The following GSE1 variants were observed in gnomAD, a reference collection of about 807,000 sequenced individuals.
The protein encoded by GSE1 is genetic suppressor element 1.
Under a neutral mutation model 112.6 loss-of-function variants are expected in GSE1, and 32 were observed. The ratio of observed to expected loss-of-function variants is 0.28; its 90% CI spans 0.21 to 0.38. GSE1 has a LOEUF of 0.38. GSE1 is among the 10% of genes least tolerant of loss of function. GSE1 has a pLI of 1.00. For missense variants in GSE1, 2,348 were observed against 1,699.2 expected (o/e 1.38, Z -6.71); for synonymous variants, 1,115 against 735.6 (o/e 1.52, Z -8.35).
At chr16:85,208,974 G>A (rs1317739304) in intron 1 of GSE1, among the ~76,000 whole-genome samples, 4 of 151,554 alleles carry the variant, frequency 2.6e-5, no homozygotes, top group African/African-American at 9.7e-5. Context: ...CTGTGTTGGG[G>A]TTTGCCACTT....
chr16:85,339,327 G>T (rs1428607117), intron 1 of GSE1, among the ~76,000 whole-genome samples: 2 of 152,176 alleles, frequency 1.3e-5, no homozygotes, highest in African/African-American at 4.8e-5. Flanking sequence ...GGGCACATTT[G>T]TCTTTGCCTG....
At chr16:85,475,650 C>G (rs1489725121) in intron 2 of GSE1, among the ~76,000 whole-genome samples, 1 of 152,172 alleles carries the variant, frequency 6.6e-6, no homozygotes, top group Non-Finnish European at 1.5e-5. Flanking sequence ...GGGCCTCTGT[C>G]CAGGGGTCGA....
intron 1 of GSE1, chr16:85,594,843 G>C (rs555498993): frequency 6.6e-6 from 1 of 152,546 alleles, no homozygotes; most frequent in East Asian, 1.9e-4. Context: ...TCCCGGGGAG[G>C]GCGCCAGCGC....
intron 2 of GSE1, among the ~76,000 whole-genome samples, chr16:85,485,365 C>G (rs1428743322): frequency 1.3e-5 from 2 of 152,038 alleles, no homozygotes; most frequent in Non-Finnish European, 2.9e-5. Flanking sequence ...CGTTGTACAG[C>G]TACTGTCACA....
intron 2 of GSE1, among the ~76,000 whole-genome samples, chr16:85,477,392 G>A (rs183771973): frequency 1.1e-3 from 164 of 152,174 alleles, no homozygotes; most frequent in African/African-American, 3.7e-3. Flanking sequence ...CCCTTCCTGT[G>A]TGTGCTGCCC....
chr16:85,470,029 A>C (rs2050238177), intron 2 of GSE1, among the ~76,000 whole-genome samples: 1 of 152,102 alleles, frequency 6.6e-6, no homozygotes, highest in Non-Finnish European at 1.5e-5. Context: ...TCTCAATGCC[A>C]CCCCCTCCAC....
chr16:85,338,907 C>T (rs1335678455), intron 1 of GSE1, among the ~76,000 whole-genome samples: 6 of 152,178 alleles, frequency 3.9e-5, no homozygotes, highest in Admixed American at 2.0e-4. Flanking sequence ...ATGGAATGAG[C>T]GCGTGTCTGC....
intron 2 of GSE1, among the ~76,000 whole-genome samples, chr16:85,379,990 G>T (rs1350578719): frequency 6.6e-6 from 1 of 152,226 alleles, no homozygotes; most frequent in Admixed American, 6.5e-5. Flanking sequence ...TGGGCAAAGG[G>T]GCTTTAATTT....
chr16:85,555,948 C>T, upstream of GSE1: 3 of 984,334 alleles, frequency 3.0e-6, no homozygotes, highest in Non-Finnish European at 3.6e-6. Context: ...CGCCGCGCTC[C>T]CCCCTCCTTT....
intron 1 of GSE1, among the ~76,000 whole-genome samples, chr16:85,184,760 A>G (rs1350669490): frequency 6.6e-6 from 1 of 152,210 alleles, no homozygotes; most frequent in African/African-American, 2.4e-5. Context: ...ACATTGGACT[A>G]TCTTAATATC....
intron 2 of GSE1, among the ~76,000 whole-genome samples, chr16:85,429,493 G>A (rs1244553773): frequency 6.6e-6 from 1 of 152,184 alleles, no homozygotes; most frequent in Non-Finnish European, 1.5e-5. Context: ...CTAGTGAGGC[G>A]TCATCATGTC....
intron 2 of GSE1, among the ~76,000 whole-genome samples, chr16:85,362,184 G>A (rs1446180627): frequency 6.6e-6 from 1 of 152,242 alleles, no homozygotes; most frequent in Non-Finnish European, 1.5e-5. Flanking sequence ...CGGGAGAAGG[G>A]TGCAACCGAA....
intron 1 of GSE1, among the ~76,000 whole-genome samples, chr16:85,294,444 G>T (rs1042536488): frequency 6.6e-6 from 1 of 152,154 alleles, no homozygotes; most frequent in Admixed American, 6.5e-5. Context: ...GTTCGTTCGT[G>T]TTCCGTCAAT....
chr16:85,668,119 C>A (rs778211586), intron 13 of GSE1, 21 bp from the exon 14 acceptor site: 1 of 1,538,382 alleles, frequency 6.5e-7, no homozygotes, highest in Non-Finnish European at 8.8e-7. Flanking sequence ...CACACTGATG[C>A]AAGCCCTGTC....
intron 2 of GSE1, among the ~76,000 whole-genome samples, chr16:85,470,616 T>C (rs2050263414): frequency 1.3e-5 from 2 of 152,178 alleles, no homozygotes; most frequent in South Asian, 2.1e-4. Flanking sequence ...TCAAGGGAGC[T>C]TGGGGTCTGG....
At chr16:85,291,561 T>G (rs2045212577) in intron 1 of GSE1, among the ~76,000 whole-genome samples, 1 of 152,212 alleles carries the variant, frequency 6.6e-6, no homozygotes, top group Admixed American at 6.5e-5. Context: ...CCCACAGGGC[T>G]CAGGGCCGGC....
intron 2 of GSE1, among the ~76,000 whole-genome samples, chr16:85,470,450 C>T (rs2050256285): frequency 6.6e-6 from 1 of 152,218 alleles, no homozygotes; most frequent in African/African-American, 2.4e-5. Flanking sequence ...TCCCGAGTGA[C>T]ATGGCCCCTT....
chr16:85,508,617 A>G (rs995637735), intron 2 of GSE1, among the ~76,000 whole-genome samples: 3 of 152,212 alleles, frequency 2.0e-5, no homozygotes, highest in Admixed American at 1.3e-4. Flanking sequence ...CGCGGCCTCT[A>G]AAACATCCTC....
intron 3 of GSE1, among the ~76,000 whole-genome samples, chr16:85,650,947 C>T (rs886129568): frequency 2.4e-4 from 36 of 151,952 alleles, no homozygotes; most frequent in African/African-American, 2.4e-5. Context: ...ATGAAAAAGC[C>T]TGTTTTAAAG....
Sources: allele counts gnomAD v4.1 joint callset (sites outside exome capture counted in the v4.1 genomes callset), GRCh38; gene constraint gnomAD v4.1.1; transcripts MANE v1.5; gene names NCBI Gene and HGNC (gene_info 2026-07-23, HGNC 2026-07-21).